The following PLEKHM3 variants were observed in gnomAD, a reference collection of about 807,000 sequenced individuals.
The protein encoded by PLEKHM3 is pleckstrin homology domain containing M3.
In PLEKHM3, 45 loss-of-function variants were observed where a neutral mutation model predicts 81.8. The observed-to-expected ratio is 0.55, with a 90% CI of 0.43 to 0.71. The LOEUF (loss-of-function observed/expected upper bound fraction) is 0.71, where lower values mean the gene tolerates loss of function less well. PLEKHM3 is among the 30% of genes least tolerant of loss of function. The probability of loss-of-function intolerance (pLI) is 0.00; values close to 1 mark genes in which losing one functional copy is unlikely to be tolerated. For missense variants in PLEKHM3, 788 were observed against 924.3 expected (o/e 0.85, Z 1.91); for synonymous variants, 352 against 356.4 (o/e 0.99, Z 0.14).
At chr2:207,880,541 A>C (rs2092583054) in intron 6 of PLEKHM3, among the ~76,000 whole-genome samples, 2 of 151,198 alleles carry the variant, frequency 1.3e-5, no homozygotes, top group Non-Finnish European at 2.9e-5. Context: ...AGACGGGCGG[A>C]TCACGAGGTC....
At chr2:207,852,754 T>C (rs1171021406) in intron 7 of PLEKHM3, 2 of 436,890 alleles carry the variant, frequency 4.6e-6, no homozygotes, top group African/African-American at 4.1e-5. Context: ...GTTCACTATA[T>C]AGGTGATGGG....
At chr2:207,870,037 CCA>C (rs919410808) in intron 6 of PLEKHM3, 1 of 152,178 alleles carries the variant, frequency 6.6e-6, no homozygotes, top group Non-Finnish European at 1.5e-5. Flanking sequence ...CTTCCCCAAA[CCA>C]CAGTTTCAGA....
chr2:208,009,427 C>A (rs550729555), intron 1 of PLEKHM3, among the ~76,000 whole-genome samples: 1 of 152,116 alleles, frequency 6.6e-6, no homozygotes, highest in Non-Finnish European at 1.5e-5. Context: ...GTACCTCCCC[C>A]ACAACATATA....
In PLEKHM3 at chr2:207,977,548, A is replaced by C; in HGVS notation, c.649T>G (p.Tyr217Asp). Residue 217 changes from tyrosine to aspartate, a missense_variant, in exon 3 of 8, where the codon TAC becomes GAC. Transcript: ENST00000427836. ...TCATGGTCCTTTCTAATCTCCAGGT[A>C]ACCCTTCTTTAGAATGTTTGGGAAT... ...QTFPNILKKG[Y>D]LEIRKDHDSY... is the part of the protein sequence containing the mutation. 6.2e-7 allele frequency: 1 copy of C among 1,612,654 alleles called. No individual in the cohort carries two copies. The highest frequency in any genetic ancestry group is 1.7e-5 in the Admixed American group (1 of 59,742).
intron 2 of PLEKHM3, among the ~76,000 whole-genome samples, chr2:207,987,105 T>C (rs940557810): frequency 7.9e-5 from 12 of 152,206 alleles, no homozygotes; most frequent in African/African-American, 2.7e-4. Context: ...CAACTGCTAC[T>C]TTCTCTTGTC....
Position 207,923,880 on chromosome 2 carries a change from CATAT to C in PLEKHM3, c.1886+7042_1886+7045del, listed in dbSNP as rs1226187210. 7.7e-4 allele frequency among the ~76,000 whole-genome samples: 44 copies of C among 56,778 alleles called. 1 individual carries two copies. The highest frequency in any genetic ancestry group is 1.0e-3 in the African/African-American group (14 of 14,024). 37.2% of individuals were successfully genotyped at this position (56,778 alleles called of 152,430 possible). A position where few individuals can be genotyped will look rare whatever the true frequency, so the allele number is the denominator to read the frequency against. ...GCACACACACACACACACACACACA[CATAT>C]ATATATATATATATATATATATTTT... On this transcript the variant is annotated intron_variant, in intron 5 of 7. Coordinates refer to ENST00000427836, the MANE Select transcript of PLEKHM3 (RefSeq NM_001080475.3).
chr2:208,011,064 CAA>C (rs10587149), intron 1 of PLEKHM3, among the ~76,000 whole-genome samples: 7,857 of 65,086 alleles, frequency 0.12, 698 homozygotes, highest in African/African-American at 0.28. Flanking sequence ...TGGCCATAAT[CAA>C]AAAAAAAAAA....
intron 5 of PLEKHM3, among the ~76,000 whole-genome samples, chr2:207,917,095 T>TTC (rs1166228417): frequency 3.9e-5 from 6 of 152,198 alleles, no homozygotes; most frequent in Non-Finnish European, 5.9e-5. Flanking sequence ...CTTTTAGAAG[T>TTC]CATCTAATGG....
At chr2:207,845,304 C>A (rs1008894993) in intron 7 of PLEKHM3, among the ~76,000 whole-genome samples, 1 of 151,968 alleles carries the variant, frequency 6.6e-6, no homozygotes, top group South Asian at 2.1e-4. Flanking sequence ...ACTATTGTAC[C>A]CTTTGTAATT....
In PLEKHM3 at chr2:207,976,915, T is replaced by C; in HGVS notation, c.1282A>G (p.Ile428Val). 2 of 1,614,194 alleles carry C rather than the reference T, an allele frequency of 1.2e-6. No homozygotes were observed. The highest frequency in any genetic ancestry group is 1.7e-6 in the Non-Finnish European group (2 of 1,180,034). Residue 428 changes from isoleucine to valine, a missense_variant, in exon 3 of 8, where the codon ATT (isoleucine) becomes GTT (valine). Transcript: ENST00000427836. The surrounding 1 kb of genome is among the most constrained non-coding windows in gnomAD (Gnocchi z 4.1). ...LDGCDSCFQV[I>V]FPQDVLRLRA... is the part of the protein sequence containing the mutation. The stretch of plus-strand genomic sequence containing the variant: ...AGGCGAAGGACATCCTGGGGGAAAA[T>C]GACTTGAAAGCAAGAGTCGCAGCCA...
At chr2:207,844,303 C>CTTTTTTTTTTT (rs377510756) in intron 7 of PLEKHM3, among the ~76,000 whole-genome samples, 3 of 125,072 alleles carry the variant, frequency 2.4e-5, no homozygotes, top group African/African-American at 2.9e-5. Flanking sequence ...ATTTATTTTT[C>CTTTTTTTTTTT]TTTTTTTTTT....
At chr2:207,880,820 A>T (rs908178644) in intron 6 of PLEKHM3, among the ~76,000 whole-genome samples, 2 of 145,836 alleles carry the variant, frequency 1.4e-5, no homozygotes, top group Non-Finnish European at 3.0e-5. Flanking sequence ...AAAAAACAAA[A>T]AAACAAATAA....
intron 1 of PLEKHM3, among the ~76,000 whole-genome samples, chr2:208,004,934 T>C (rs1192635525): frequency 6.6e-6 from 1 of 152,182 alleles, no homozygotes; most frequent in Admixed American, 6.5e-5. Flanking sequence ...CAAGCGATTC[T>C]CCTGCCTCAA....
chr2:207,873,771 T>C (rs957515728), intron 6 of PLEKHM3, among the ~76,000 whole-genome samples: 1 of 152,226 alleles, frequency 6.6e-6, no homozygotes, highest in African/African-American at 2.4e-5. Context: ...AATGTTTAGA[T>C]AGCACTTTCG....
At position 207,977,012 on chromosome 2, in the gene PLEKHM3, G is replaced by T. The variant is rs752726581; in HGVS notation, c.1185C>A (p.Gly395=). 1 of 1,614,222 alleles carries T rather than the reference G, an allele frequency of 6.2e-7. No homozygotes were observed. Among genetic ancestry groups the T allele is most frequent in the Non-Finnish European group, 8.5e-7 (1 of 1,180,036 alleles). Residue 395 remains glycine (G), a synonymous_variant, in exon 3 of 8, where the codon GGC becomes GGA. Transcript: ENST00000427836. ...TCAACAGTGGATCCTCGTCTAGCTT[G>T]CCAGGCTGAAAAGCCATAAGGTAAG... The part of the protein sequence containing the change: ...SRAYLMAFQP[G]KLDEDPLLSY...
chr2:207,884,926 G>A (rs190594712), intron 6 of PLEKHM3, among the ~76,000 whole-genome samples: 7 of 152,244 alleles, frequency 4.6e-5, no homozygotes, highest in Admixed American at 2.6e-4. Context: ...ATATGAACAC[G>A]GGGCCTAGAG....
chr2:207,950,602 G>A (rs1424380689), intron 3 of PLEKHM3, among the ~76,000 whole-genome samples: 2 of 152,030 alleles, frequency 1.3e-5, no homozygotes, highest in African/African-American at 4.8e-5. Context: ...CCCACACGCG[G>A]GACGTTGACG....
rs77124253 is a variant in PLEKHM3 at position 207,882,321 on chromosome 2, G to C, written c.1951-21059C>G. 8.4e-3 allele frequency among the ~76,000 whole-genome samples: 1,273 copies of C among 152,152 alleles called. 20 individuals are homozygous for C. Among genetic ancestry groups the C allele is most frequent in the African/African-American group, 0.029 (1,211 of 41,516 alleles). On this transcript the variant is annotated intron_variant, in intron 6 of 7. Coordinates refer to ENST00000427836, the MANE Select transcript of PLEKHM3 (RefSeq NM_001080475.3). ...CTCTCTCTGAAAACAGTTATAAAAG[G>C]CCTGGGTTGGCCGGATGCGGTGGCT...
At chr2:207,891,714 C>T (rs529637603) in intron 6 of PLEKHM3, among the ~76,000 whole-genome samples, 70 of 152,300 alleles carry the variant, frequency 4.6e-4, no homozygotes, top group African/African-American at 1.6e-3. Flanking sequence ...GAACAGATAG[C>T]CCCCTTTTAG....
Sources: gnomAD v4.1 joint callset for allele counts (sites outside exome capture counted in the v4.1 genomes callset) on GRCh38, gnomAD v4.1.1 for gene constraint, Gnocchi (gnomAD v3.1) non-coding constraint, MANE v1.5 for transcripts, NCBI Gene and HGNC (gene_info 2026-07-23, HGNC 2026-07-21) for gene names.